The following DISC1 variants were observed in gnomAD, a reference collection of about 807,000 sequenced individuals.
DISC1 encodes the protein disrupted in schizophrenia 1 protein.
In DISC1, 57 loss-of-function variants were observed where a neutral mutation model predicts 84.5. The observed-to-expected ratio is 0.67, with a 90% CI of 0.55 to 0.84. DISC1 has a LOEUF of 0.84. Ranked by LOEUF, DISC1 falls within the 40% of genes least tolerant of loss-of-function variation. The pLI is 0.00. For synonymous variants in DISC1, 411 were observed against 415.2 expected, an observed-to-expected ratio of 0.99 and a Z score of 0.12; for missense variants, 1,000 against 1,057.8, an observed-to-expected ratio of 0.95 and a Z score of 0.76.
intron 9 of DISC1, among the ~76,000 whole-genome samples, chr1:231,862,025 G>A (rs1455151037): frequency 6.6e-6 from 1 of 152,138 alleles, no homozygotes; most frequent in African/African-American, 2.4e-5. Flanking sequence ...AGCTATTTCT[G>A]GTTTAACAAG....
chr1:231,846,312 C>A (rs2083445252), intron 9 of DISC1, among the ~76,000 whole-genome samples: 1 of 152,182 alleles, frequency 6.6e-6, no homozygotes, highest in African/African-American at 2.4e-5. Context: ...CATGGAGGGG[C>A]CCACAGGACG....
At chr1:231,796,055 A>G (rs2078740973) in intron 7 of DISC1, among the ~76,000 whole-genome samples, 1 of 152,106 alleles carries the variant, frequency 6.6e-6, no homozygotes, top group South Asian at 2.1e-4. Context: ...TACTTTATCC[A>G]TCGTTTATAC....
chr1:232,020,009 G>C (rs959987310), intron 11 of DISC1, among the ~76,000 whole-genome samples: 2 of 152,148 alleles, frequency 1.3e-5, no homozygotes, highest in Admixed American at 6.5e-5. Flanking sequence ...CTGGCTGTTT[G>C]CTTCTCTGAT....
chr1:231,872,400 C>A (rs1015148712), intron 9 of DISC1, among the ~76,000 whole-genome samples: 4 of 152,038 alleles, frequency 2.6e-5, no homozygotes, highest in Non-Finnish European at 5.9e-5. Flanking sequence ...CCAAATGCTC[C>A]TGAAAGTTTG....
intron 1 of DISC1, among the ~76,000 whole-genome samples, chr1:231,669,823 A>G (rs1156766753): frequency 6.6e-6 from 1 of 152,190 alleles, no homozygotes; most frequent in Non-Finnish European, 1.5e-5. Context: ...TGATTCCTCA[A>G]AGACCTAAAG....
chr1:231,834,018 G>A lies in DISC1; in HGVS notation c.1981+15501G>A, dbSNP rs186762959. 4.0e-3 allele frequency among the ~76,000 whole-genome samples: 604 copies of A among 152,284 alleles called. 4 individuals carry two copies. Among genetic ancestry groups the A allele is most frequent in the African/African-American group, 0.014 (569 of 41,552 alleles). On this transcript the variant is annotated intron_variant, in intron 9 of 12. Coordinates refer to ENST00000439617, the MANE Select transcript of DISC1 (RefSeq NM_018662.3). ...AAGTGTCTCAGGGTTGCTGCCAAAC[G>A]AGCCATGAACTGGGCTGGGTTTTTA...
intron 4 of DISC1, among the ~76,000 whole-genome samples, chr1:231,761,251 C>G (rs904201172): frequency 3.9e-5 from 6 of 152,112 alleles, no homozygotes; most frequent in Non-Finnish European, 8.8e-5. Flanking sequence ...ATTTCTTGCC[C>G]CTGAGGGATT....
At position 231,897,413 on chromosome 1, in the gene DISC1, C is replaced by G. The variant is rs1199430281; in HGVS notation, c.1982-61415C>G. Among the ~76,000 whole-genome samples the G allele has an allele frequency of 6.6e-6, 1 of 152,026 alleles. No homozygotes were observed. The highest frequency in any genetic ancestry group is 1.9e-4 in the East Asian group (1 of 5,188). ...TACAGTGGCAGGTTGTTTTATCTTC[C>G]CCTGATGAATTGACCGGTCCAGAGA... On this transcript the variant is annotated intron_variant, in intron 9 of 12. Transcript: ENST00000439617. This position sits in a 1 kb window ranked among gnomAD's most constrained non-coding sequence, Gnocchi z 4.5.
At chr1:231,704,346 A>C (rs1408804764) in intron 3 of DISC1, among the ~76,000 whole-genome samples, 1 of 152,116 alleles carries the variant, frequency 6.6e-6, no homozygotes, top group African/African-American at 2.4e-5. Context: ...GTGAAGGGAA[A>C]GATCTTTGCA....
intron 9 of DISC1, among the ~76,000 whole-genome samples, chr1:231,874,912 G>A (rs1379928296): frequency 8.4e-5 from 11 of 131,286 alleles, no homozygotes; most frequent in African/African-American, 2.8e-4. Flanking sequence ...GTGAGACTCC[G>A]TCTCAAAAAA....
intron 9 of DISC1, among the ~76,000 whole-genome samples, chr1:231,856,952 A>G (rs1005926351): frequency 1.3e-5 from 2 of 152,194 alleles, no homozygotes; most frequent in African/African-American, 4.8e-5. Flanking sequence ...CGGCAGCATG[A>G]AAAAAGGGGT....
chr1:231,631,677 A>AT (rs2058720721), intron 1 of DISC1, among the ~76,000 whole-genome samples: 1 of 152,158 alleles, frequency 6.6e-6, no homozygotes, highest in East Asian at 1.9e-4. Context: ...AAGAAAAAAT[A>AT]TTTTTGTACA....
chr1:231,886,422 C>G (rs1326178223), intron 9 of DISC1, among the ~76,000 whole-genome samples: 1 of 152,124 alleles, frequency 6.6e-6, no homozygotes, highest in African/African-American at 2.4e-5. Context: ...GAAAGAAAAA[C>G]GTGTCTGAGT....
chr1:231,715,414 C>T (rs2068554186), intron 3 of DISC1, among the ~76,000 whole-genome samples: 1 of 152,194 alleles, frequency 6.6e-6, no homozygotes, highest in Admixed American at 6.5e-5. Flanking sequence ...TCATTTCCAT[C>T]CCAAAACCTG....
At chr1:231,838,042 GATA>G (rs2082748707) in intron 9 of DISC1, among the ~76,000 whole-genome samples, 1 of 152,084 alleles carries the variant, frequency 6.6e-6, no homozygotes, top group Admixed American at 6.5e-5. Context: ...AGATAAGAAA[GATA>G]GATAAAAAGT....
chr1:232,012,389 T>C (rs821631), intron 11 of DISC1, among the ~76,000 whole-genome samples: 76,400 of 152,044 alleles, frequency 0.5, 20,789 homozygotes, highest in African/African-American at 0.7. Context: ...ACAGAAGGTA[T>C]GGGGAAATGA....
rs55740228 is a variant in DISC1 at position 232,002,595 on chromosome 1, GCACACACACACA to G, written c.2043-6157_2043-6146del. 3.2e-3 allele frequency among the ~76,000 whole-genome samples: 467 copies of G among 143,734 alleles called. 5 individuals are homozygous for G. Among genetic ancestry groups the G allele is most frequent in the East Asian group, 0.027 (129 of 4,850 alleles). 94.3% of individuals were successfully genotyped at this position (143,734 alleles called of 152,430 possible). On this transcript the variant is annotated intron_variant, in intron 10 of 12. Coordinates refer to ENST00000439617, the MANE Select transcript of DISC1 (RefSeq NM_018662.3). ...ACGAATCTCCAGGGAATTATGCTGAGCACACACACACACACACACACACACACACACACACAC... is the reference window on the plus strand; with the variant it reads ...ACGAATCTCCAGGGAATTATGCTGAGCACACACACACACACACACACACAC...
chr1:231,780,918 C>A (rs1460304306), intron 6 of DISC1, among the ~76,000 whole-genome samples: 3 of 111,578 alleles, frequency 2.7e-5, no homozygotes, highest in South Asian at 3.3e-4. Flanking sequence ...GAACAAAAAA[C>A]CAAACACCGC....
chr1:231,979,971 A>G (rs1663365464), intron 10 of DISC1, among the ~76,000 whole-genome samples: 1 of 152,138 alleles, frequency 6.6e-6, no homozygotes, highest in Non-Finnish European at 1.5e-5. Context: ...TGGGCTTATT[A>G]GTTTTATTTT....
Sources: allele counts gnomAD v4.1 joint callset (sites outside exome capture counted in the v4.1 genomes callset), GRCh38; gene constraint gnomAD v4.1.1; non-coding constraint Gnocchi (gnomAD v3.1); transcripts MANE v1.5; gene names NCBI Gene and HGNC (gene_info 2026-07-23, HGNC 2026-07-21).